NRG3: variants seen among roughly 807,000 people sequenced by gnomAD.
The protein encoded by NRG3 is pro-neuregulin-3, membrane-bound isoform.
NRG3 carries 31 observed loss-of-function variants against 66.9 expected under a neutral mutation model. The observed-to-expected ratio is 0.46, with a 90% CI of 0.35 to 0.63. The LOEUF is 0.63. Among genes scored for constraint, NRG3 ranks in the 20% least tolerant of loss-of-function variants. The pLI is 0.00. For synonymous variants in NRG3, 393 were observed against 359.4 expected (o/e 1.09, Z -1.06); for missense variants, 910 against 878.9 (o/e 1.04, Z -0.45).
At chr10:82,768,885 A>AT (rs1171450263) in intron 3 of NRG3, among the ~76,000 whole-genome samples, 1 of 152,124 alleles carries the variant, frequency 6.6e-6, no homozygotes, top group East Asian at 1.9e-4. Context: ...TTGTTCCCAA[A>AT]TTTAAACTCA....
At position 82,689,500 on chromosome 10, in the gene NRG3, C is replaced by G. The variant is rs145821634; in HGVS notation, c.954-49077C>G. Among the ~76,000 whole-genome samples, 137 of 152,214 alleles carry G rather than the reference C, an allele frequency of 9.0e-4. No homozygotes were observed. In the Middle Eastern group the frequency reaches 0.01, roughly 11 times the overall value. On this transcript the variant is annotated intron_variant, in intron 2 of 8. Transcript: ENST00000372141. Reference sequence around the variant, plus strand: ...TGATGATCACAGTCTGCTAGATGCCCAGGAATGACTAAAGCCTACTACTAA... The same window carrying G: ...TGATGATCACAGTCTGCTAGATGCCGAGGAATGACTAAAGCCTACTACTAA...
At chr10:82,397,833 A>T (rs887103925) in intron 2 of NRG3, among the ~76,000 whole-genome samples, 38 of 152,190 alleles carry the variant, frequency 2.5e-4, no homozygotes, top group Non-Finnish European at 5.3e-4. Context: ...ACGTTTAATG[A>T]GAGCCATCTT....
chr10:82,385,638 T>C (rs2085931687), intron 2 of NRG3, among the ~76,000 whole-genome samples: 1 of 152,080 alleles, frequency 6.6e-6, no homozygotes, highest in Non-Finnish European at 1.5e-5. Context: ...ATTTTATAGG[T>C]AAGTATGCGA....
At chr10:82,143,284 A>G (rs764805559) in intron 1 of NRG3, among the ~76,000 whole-genome samples, 1 of 152,136 alleles carries the variant, frequency 6.6e-6, no homozygotes, top group Non-Finnish European at 1.5e-5. Context: ...TAAGTTGAGG[A>G]TAATAAGATG....
intron 2 of NRG3, among the ~76,000 whole-genome samples, chr10:82,559,956 G>A (rs1016322644): frequency 6.6e-6 from 1 of 151,654 alleles, no homozygotes; most frequent in Non-Finnish European, 1.5e-5. Context: ...CTTAAAATTA[G>A]GAATTTAATA....
chr10:82,236,005 G>GACAC (rs562666772), intron 1 of NRG3, among the ~76,000 whole-genome samples: 1 of 151,156 alleles, frequency 6.6e-6, no homozygotes, highest in Non-Finnish European at 1.5e-5. Context: ...CACAGACACA[G>GACAC]ACACACACAC....
chr10:81,925,749 A>T (rs59787834), intron 1 of NRG3, among the ~76,000 whole-genome samples: 17,445 of 84,038 alleles, frequency 0.21, 1,071 homozygotes, highest in East Asian at 0.48. Context: ...TTTTTTTTTA[A>T]AAAAAAAAGA....
chr10:82,072,128 C>T (rs1450386625), intron 1 of NRG3, among the ~76,000 whole-genome samples: 1 of 152,106 alleles, frequency 6.6e-6, no homozygotes, highest in Non-Finnish European at 1.5e-5. Flanking sequence ...TTTTGTCTCC[C>T]TTTCTTACCC....
intron 1 of NRG3, among the ~76,000 whole-genome samples, chr10:82,152,902 TTCTC>T (rs1480068150): frequency 6.6e-6 from 1 of 151,794 alleles, no homozygotes; most frequent in Non-Finnish European, 1.5e-5. Flanking sequence ...TCTTTCTTCT[TTCTC>T]CTTTTTCTTT....
intron 2 of NRG3, among the ~76,000 whole-genome samples, chr10:82,498,025 G>A (rs1405184806): frequency 6.7e-6 from 1 of 150,196 alleles, no homozygotes; most frequent in Non-Finnish European, 1.5e-5. Flanking sequence ...TTGATCACTT[G>A]TATGTATTCT....
intron 2 of NRG3, among the ~76,000 whole-genome samples, chr10:82,438,500 G>T (rs80328518): frequency 0.015 from 2,296 of 152,316 alleles, 43 homozygotes; most frequent in African/African-American, 0.046. Context: ...TCCCAGTGCT[G>T]GCTGCCCCTT....
At chr10:82,222,710 C>G (rs1057259109) in intron 1 of NRG3, among the ~76,000 whole-genome samples, 1 of 152,130 alleles carries the variant, frequency 6.6e-6, no homozygotes, top group Non-Finnish European at 1.5e-5. Context: ...CTGTATCCAC[C>G]GTGTTTTCCC....
At chr10:82,927,171 G>T (rs1449520600) in intron 4 of NRG3, among the ~76,000 whole-genome samples, 1 of 152,148 alleles carries the variant, frequency 6.6e-6, no homozygotes, top group Non-Finnish European at 1.5e-5. Context: ...CAGAGGCCTT[G>T]TCTCCTTGCT....
At chr10:82,707,039 G>GTATA (rs2056349564) in intron 2 of NRG3, among the ~76,000 whole-genome samples, 1 of 137,960 alleles carries the variant, frequency 7.2e-6, no homozygotes, top group African/African-American at 2.8e-5. Flanking sequence ...ATATATATAT[G>GTATA]TATATATATT....
chr10:81,946,670 A>G (rs1213103724), intron 1 of NRG3, among the ~76,000 whole-genome samples: 2 of 152,182 alleles, frequency 1.3e-5, no homozygotes, highest in African/African-American at 4.8e-5. Context: ...AGCTAAAGCC[A>G]TGGGATTATG....
intron 1 of NRG3, among the ~76,000 whole-genome samples, chr10:82,219,086 A>G (rs913758172): frequency 6.6e-6 from 1 of 152,130 alleles, no homozygotes; most frequent in South Asian, 2.1e-4. Flanking sequence ...TGTCCTGTGC[A>G]TATATTAAGT....
chr10:82,971,436 CTTTTT>C (rs11289529), intron 6 of NRG3, among the ~76,000 whole-genome samples: 5 of 121,884 alleles, frequency 4.1e-5, no homozygotes, highest in African/African-American at 9.2e-5. Flanking sequence ...GAAAGCCGTT[CTTTTT>C]TTTTTTTTTT....
At chr10:82,007,588 A>C (rs2061422625) in intron 1 of NRG3, among the ~76,000 whole-genome samples, 1 of 152,178 alleles carries the variant, frequency 6.6e-6, no homozygotes, top group African/African-American at 2.4e-5. Context: ...AATCTTGCTG[A>C]ATAATTTTAT....
intron 3 of NRG3, among the ~76,000 whole-genome samples, chr10:82,758,545 C>G (rs559893303): frequency 6.6e-6 from 1 of 152,052 alleles, no homozygotes; most frequent in African/African-American, 2.4e-5. Context: ...CTCAATTTCC[C>G]CTGTTTATTG....
Sources: gnomAD v4.1 joint callset for allele counts (sites outside exome capture counted in the v4.1 genomes callset) on GRCh38, gnomAD v4.1.1 for gene constraint, MANE v1.5 for transcripts, NCBI Gene and HGNC (gene_info 2026-07-23, HGNC 2026-07-21) for gene names.